Variants in IRF6 observed in about 807,000 individuals in gnomAD.
IRF6 encodes interferon regulatory factor 6.
Under a neutral mutation model 51.4 loss-of-function variants are expected in IRF6, and 6 were observed. That is an observed-to-expected ratio of 0.12 (90% confidence interval 0.06 to 0.23). The LOEUF is 0.23. IRF6 is among the 10% of genes least tolerant of loss of function. The pLI is 1.00. For missense variants in IRF6, 348 were observed against 585.2 expected (o/e 0.59, Z 4.18); for synonymous variants, 178 against 215.7 (o/e 0.83, Z 1.53).
At chr1:209,798,814 C>A (rs922244516) in intron 3 of IRF6, among the ~76,000 whole-genome samples, 3 of 147,616 alleles carry the variant, frequency 2.0e-5, no homozygotes, top group Non-Finnish European at 3.0e-5. Context: ...GAGGCTGAGG[C>A]AGGAGAATCG....
chr1:209,792,687 G>C (rs1571980965), intron 5 of IRF6: 1 of 529,446 alleles, frequency 1.9e-6, no homozygotes, highest in East Asian at 3.3e-5. Context: ...ACATAGACAT[G>C]TGAGTTTTCT....
chr1:209,794,331 A>G (rs1466294323), intron 5 of IRF6, among the ~76,000 whole-genome samples: 1 of 152,210 alleles, frequency 6.6e-6, no homozygotes, highest in Non-Finnish European at 1.5e-5. Context: ...AGTGACATTG[A>G]ACATGTGGCA....
chr1:209,802,775 C>A (rs973948533), intron 1 of IRF6, among the ~76,000 whole-genome samples: 1 of 152,160 alleles, frequency 6.6e-6, no homozygotes, highest in South Asian at 2.1e-4. Flanking sequence ...AGCAAAGCAG[C>A]TAAATATGGG....
At chr1:209,795,493 A>T in intron 4 of IRF6, 75 bp from the exon 5 acceptor site, 1 of 1,605,008 alleles carries the variant, frequency 6.2e-7, no homozygotes, top group South Asian at 1.1e-5. Context: ...CCACCATTCA[A>T]GCTAGGGACT....
intron 3 of IRF6, among the ~76,000 whole-genome samples, chr1:209,798,169 GAATGAAGAAGTTTGA>G (rs2077915773): frequency 6.6e-6 from 1 of 151,840 alleles, no homozygotes; most frequent in Admixed American, 6.6e-5. Flanking sequence ...TTGTGGTATG[GAATGAAGAAGTTTGA>G]CAACATTCTG....
chr1:209,801,181 GCCA>G, intron 3 of IRF6, 56 bp downstream of exon 3: 31 of 993,426 alleles, frequency 3.1e-5, no homozygotes, highest in Non-Finnish European at 4.0e-5. Context: ...TATTCCCCAT[GCCA>G]AAAAAAAAAA....
chr1:209,792,298 G>C lies in IRF6; in HGVS notation c.638C>G (p.Ser213Cys), dbSNP rs757984142. 1.9e-6 allele frequency: 3 copies of C among 1,614,220 alleles called. No individual in the cohort carries two copies. The East Asian group carries it at 6.7e-5, about 36-fold the overall frequency. Residue 213 changes from serine to cysteine, a missense_variant, in exon 6 of 9, where the codon TCT becomes TGT. By Grantham distance (112) the Ser-to-Cys change is moderately radical. Coordinates refer to ENST00000367021, the MANE Select transcript of IRF6 (RefSeq NM_006147.4). ...GAGAGAGCTGATCCACAGTTCTGGA[G>C]AGCTATAGAAGGGCTGTATAGGTGC... is the stretch of plus-strand genomic sequence containing the variant. ...PQAPIQPFYS[S>C]PELWISSLPM... is the part of the protein sequence containing the mutation.
chr1:209,803,665 G>T (rs2077957297), intron 1 of IRF6, among the ~76,000 whole-genome samples: 3 of 152,052 alleles, frequency 2.0e-5, no homozygotes, highest in South Asian at 4.1e-4. Flanking sequence ...TCCACCTTCT[G>T]AAAGTCAGCC....
chr1:209,791,378 C>T (rs2077868223), intron 6 of IRF6, among the ~76,000 whole-genome samples: 1 of 152,218 alleles, frequency 6.6e-6, no homozygotes, highest in African/African-American at 2.4e-5. Flanking sequence ...GGACACAGTT[C>T]ACATCAAAGT....
intron 5 of IRF6, among the ~76,000 whole-genome samples, chr1:209,793,942 T>C (rs959947576): frequency 7.2e-5 from 11 of 152,252 alleles, no homozygotes; most frequent in African/African-American, 2.7e-4. Flanking sequence ...ATGGTATATA[T>C]GTACCACGTT....
In IRF6 at chr1:209,795,392, C is replaced by T. The variant is rs773927766; in HGVS notation, c.406G>A (p.Glu136Lys). The change falls in exon 5 of 9, where the codon GAG becomes AAG. Residue 136 changes from glutamate (E) to lysine (K), a missense_variant. By Grantham distance (56) the Glu-to-Lys change is moderately conservative. This residue lies in a region of IRF6 where 124 missense variants were observed against 141.6 expected (regional missense o/e 0.88). Transcript: ENST00000367021. Reference sequence around the variant, plus strand: ...TCTTCATCCACATCATTATCCTTCTCATCCCAGGGAGCAGACCCTGTGGAT... The same window carrying T: ...TCTTCATCCACATCATTATCCTTCTTATCCCAGGGAGCAGACCCTGTGGAT... ...PGSTGSAPWD[E>K]KDNDVDEEDE... 16 of 1,614,062 alleles carry T rather than the reference C, an allele frequency of 9.9e-6. No individual in the cohort carries two copies. The highest frequency in any genetic ancestry group is 1.3e-5 in the African/African-American group (1 of 74,942).
At chr1:209,799,456 C>T (rs2077926102) in intron 3 of IRF6, among the ~76,000 whole-genome samples, 1 of 152,210 alleles carries the variant, frequency 6.6e-6, no homozygotes, top group South Asian at 2.1e-4. Flanking sequence ...AGATAATGGA[C>T]ACAGACACCC....
chr1:209,793,933 T>C (rs1031473221), intron 5 of IRF6, among the ~76,000 whole-genome samples: 2 of 152,242 alleles, frequency 1.3e-5, no homozygotes, highest in Non-Finnish European at 2.9e-5. Flanking sequence ...TAGTATTCCA[T>C]GGTATATATG....
At chr1:209,795,857 TA>T (rs2077898293) in intron 4 of IRF6, among the ~76,000 whole-genome samples, 1 of 152,088 alleles carries the variant, frequency 6.6e-6, no homozygotes, top group Non-Finnish European at 1.5e-5. Context: ...CAGATCATGT[TA>T]ATTTTTTTTT....
At position 209,790,196 on chromosome 1, in the gene IRF6, G is replaced by A. The variant is rs558719924; in HGVS notation, c.1060+299C>T. ...GATTACCTTCCAAAGTTAAAGACAC[G>A]CTGGTAACATTTGAGGTGTAATGAC... On this transcript the variant is annotated intron_variant, in intron 7 of 8. Coordinates refer to ENST00000367021, the MANE Select transcript of IRF6 (RefSeq NM_006147.4). This position sits in a 1 kb window ranked among gnomAD's most constrained non-coding sequence, Gnocchi z 4.8. Among the ~76,000 whole-genome samples, 5 of 152,304 alleles carry A rather than the reference G, an allele frequency of 3.3e-5. No individual in the cohort carries two copies. Among genetic ancestry groups the A allele is most frequent in the East Asian group, 1.9e-4 (1 of 5,184 alleles).
rs1197328441 is a variant in IRF6 at position 209,796,628 on chromosome 1, G to GACACAA, written c.175-82_175-77dup. The GACACAA allele has an allele frequency of 2.8e-4, 207 of 747,480 alleles. 1 individual carries two copies. The highest frequency in any genetic ancestry group is 2.0e-3 in the East Asian group (70 of 34,958). 46.3% of individuals were successfully genotyped at this position (747,480 alleles called of 1,614,324 possible). A position where few individuals can be genotyped will look rare whatever the true frequency, so the allele number is the denominator to read the frequency against. On this transcript the variant is annotated intron_variant, in intron 3 of 8. Transcript: ENST00000367021. The surrounding 1 kb of genome is among the most constrained non-coding windows in gnomAD (Gnocchi z 4.5). ...AAGCATGTGCTTACCCTTTCTCATA[G>GACACAA]ACACAAACACACACACACACACACA...
intron 2 of IRF6, among the ~76,000 whole-genome samples, chr1:209,801,718 T>C (rs1356669596): frequency 6.6e-6 from 1 of 152,280 alleles, no homozygotes. Flanking sequence ...GTCATCCTGC[T>C]GGAACACAGT....
rs763919560 is a variant in IRF6 at position 209,787,943 on chromosome 1, C to G, written c.*477G>C. 1.2e-5 allele frequency: 2 copies of G among 173,478 alleles called. No homozygotes were observed. The highest frequency in any genetic ancestry group is 2.4e-5 in the African/African-American group (1 of 41,524). 10.7% of individuals were successfully genotyped at this position (173,478 alleles called of 1,614,324 possible). A position where few individuals can be genotyped will look rare whatever the true frequency, so the allele number is the denominator to read the frequency against. On this transcript the variant is annotated 3_prime_UTR_variant, in exon 9 of 9. Coordinates refer to ENST00000367021, the MANE Select transcript of IRF6 (RefSeq NM_006147.4). ...GTGCTTGAGGAAACTTTAACAAAACCAAGGAAAAATGTGGTACAAGAACAA... is the reference window on the plus strand; with the variant it reads ...GTGCTTGAGGAAACTTTAACAAAACGAAGGAAAAATGTGGTACAAGAACAA...
At position 209,787,370 on chromosome 1, in the gene IRF6, C is replaced by T. The variant is rs1044409797; in HGVS notation, c.*1050G>A. The stretch of plus-strand genomic sequence containing the variant: ...CACTAGTAAGGGAGACAAGCAGGTT[C>T]GTGCTAGGTGAGCCTTTCCAGAAGA... On this transcript the variant is annotated 3_prime_UTR_variant, in exon 9 of 9. Coordinates refer to ENST00000367021, the MANE Select transcript of IRF6 (RefSeq NM_006147.4). The T allele has an allele frequency of 1.3e-5, 2 of 152,328 alleles. No homozygotes were observed. The highest frequency in any genetic ancestry group is 6.5e-5 in the Admixed American group (1 of 15,276). The allele number at this position is 152,328 out of a possible 1,614,324, so 9.4% of individuals were successfully genotyped here.
Sources: allele counts gnomAD v4.1 joint callset (sites outside exome capture counted in the v4.1 genomes callset), GRCh38; gene constraint gnomAD v4.1.1; regional missense constraint gnomAD v4.1.1; non-coding constraint Gnocchi (gnomAD v3.1); transcripts MANE v1.5; gene names NCBI Gene and HGNC (gene_info 2026-07-23, HGNC 2026-07-21).